GRIN2B: variants seen among roughly 807,000 people sequenced by gnomAD.
GRIN2B encodes the protein glutamate receptor ionotropic, NMDA 2B.
A neutral mutation model predicts 114.5 loss-of-function variants in GRIN2B; 5 were observed. The ratio of observed to expected loss-of-function variants is 0.04; its 90% CI spans 0.02 to 0.09. The LOEUF is 0.09. Ranked by LOEUF, GRIN2B falls within the 10% of genes least tolerant of loss-of-function variation. GRIN2B has a pLI of 1.00. For synonymous variants in GRIN2B, 787 were observed against 745.1 expected, an observed-to-expected ratio of 1.06 and a Z score of -0.92; for missense variants, 1,108 against 1,943.5, an observed-to-expected ratio of 0.57 and a Z score of 8.08.
chr12:13,713,551 C>A (rs560467749), intron 4 of GRIN2B, among the ~76,000 whole-genome samples: 3 of 151,902 alleles, frequency 2.0e-5, no homozygotes, highest in East Asian at 3.9e-4. Flanking sequence ...ACTTCCCTAG[C>A]GATGAGCCAT....
In GRIN2B at chr12:13,865,683, T is replaced by C. The variant is rs1161550222; in HGVS notation, c.411+115A>G. On this transcript the variant is annotated intron_variant, in intron 3 of 13. Transcript: ENST00000609686. ...ATTAATTGCTGGCCTATCCACGCTG[T>C]CAATGCAATCTGGTTACCTTCCATC... 5.7e-6 allele frequency: 5 copies of C among 882,400 alleles called. No homozygotes were observed. The African/African-American group carries it at 8.2e-5, about 14-fold the overall frequency. The allele number at this position is 882,400 out of a possible 1,614,324, so 54.7% of individuals were successfully genotyped here.
chr12:13,637,527 C>G (rs1949676941), intron 5 of GRIN2B, among the ~76,000 whole-genome samples: 1 of 152,086 alleles, frequency 6.6e-6, no homozygotes, highest in Non-Finnish European at 1.5e-5. Flanking sequence ...GGTTTTGGCA[C>G]CAACCAGTGA....
At chr12:13,867,240 A>G (rs938616063) in intron 2 of GRIN2B, among the ~76,000 whole-genome samples, 3 of 152,112 alleles carry the variant, frequency 2.0e-5, no homozygotes, top group African/African-American at 7.2e-5. Context: ...GTATTTTCAT[A>G]TAATTTGCCA....
intron 3 of GRIN2B, among the ~76,000 whole-genome samples, chr12:13,807,961 T>C (rs1461955575): frequency 1.3e-5 from 2 of 152,118 alleles, no homozygotes; most frequent in Admixed American, 1.3e-4. Flanking sequence ...AGTAATGGAA[T>C]GAACCTTTTG....
intron 8 of GRIN2B, among the ~76,000 whole-genome samples, chr12:13,614,229 T>G (rs1322375323): frequency 6.6e-6 from 1 of 152,166 alleles, no homozygotes; most frequent in African/African-American, 2.4e-5. Flanking sequence ...ATTAATTGAA[T>G]TAATTCCCTA....
At chr12:13,811,990 G>A (rs1255760632) in intron 3 of GRIN2B, among the ~76,000 whole-genome samples, 1 of 152,136 alleles carries the variant, frequency 6.6e-6, no homozygotes, top group African/African-American at 2.4e-5. Context: ...TCCAGAAAAG[G>A]GGTCTATAGT....
At chr12:13,926,824 G>A (rs1290273304) in intron 2 of GRIN2B, among the ~76,000 whole-genome samples, 1 of 152,114 alleles carries the variant, frequency 6.6e-6, no homozygotes, top group African/African-American at 2.4e-5. Flanking sequence ...ATGGTGGCAG[G>A]CGCCTGTAGT....
chr12:13,935,841 G>C (rs1272885678), intron 2 of GRIN2B, among the ~76,000 whole-genome samples: 1 of 152,214 alleles, frequency 6.6e-6, no homozygotes, highest in Non-Finnish European at 1.5e-5. Flanking sequence ...GACAAAAGAT[G>C]TGAGGCAACT....
At chr12:13,829,090 T>C (rs971907897) in intron 3 of GRIN2B, among the ~76,000 whole-genome samples, 9 of 152,172 alleles carry the variant, frequency 5.9e-5, no homozygotes, top group Non-Finnish European at 5.9e-5. Flanking sequence ...GGCCATCACA[T>C]AGGGGGCATC....
At position 13,604,624 on chromosome 12, in the gene GRIN2B, T is replaced by C. The variant is rs79172500; in HGVS notation, c.2010+3979A>G. On this transcript the variant is annotated intron_variant, in intron 10 of 13. Coordinates refer to ENST00000609686, the MANE Select transcript of GRIN2B (RefSeq NM_000834.5). ...CATCTCATTTCTTTTCTCAACATTA[T>C]TGTTTGAATGTCTTTATTCTTTTTC... 1.0e-2 allele frequency among the ~76,000 whole-genome samples: 1,516 copies of C among 152,340 alleles called. 13 individuals are homozygous for C. Among genetic ancestry groups the C allele is most frequent in the Non-Finnish European group, 0.015 (1,013 of 68,040 alleles).
chr12:13,829,073 T>C (rs144514207), intron 3 of GRIN2B, among the ~76,000 whole-genome samples: 2 of 152,280 alleles, frequency 1.3e-5, no homozygotes, highest in African/African-American at 2.4e-5. Context: ...AATTCTACCA[T>C]AGAAGAGGCC....
chr12:13,707,809 A>G (rs1036072174), intron 4 of GRIN2B, among the ~76,000 whole-genome samples: 1 of 152,130 alleles, frequency 6.6e-6, no homozygotes, highest in African/African-American at 2.4e-5. Context: ...TTTCTATTCA[A>G]TGCCTGAAAA....
intron 2 of GRIN2B, among the ~76,000 whole-genome samples, chr12:13,946,265 T>G (rs983387096): frequency 1.3e-5 from 2 of 152,166 alleles, no homozygotes; most frequent in African/African-American, 4.8e-5. Context: ...TTCTGGCATA[T>G]AATAAATACT....
intron 3 of GRIN2B, among the ~76,000 whole-genome samples, chr12:13,771,428 T>A (rs1174141076): frequency 1.3e-5 from 2 of 152,110 alleles, no homozygotes; most frequent in African/African-American, 4.8e-5. Context: ...ATTTAGTAAG[T>A]AGCCAAGGTA....
intron 5 of GRIN2B, among the ~76,000 whole-genome samples, chr12:13,669,498 C>T (rs934257319): frequency 2.6e-5 from 4 of 152,072 alleles, no homozygotes; most frequent in Non-Finnish European, 4.4e-5. Context: ...TGAATAAACA[C>T]GCTTGCCATG....
chr12:13,555,524 T>A lies in GRIN2B; in HGVS notation c.*7259A>T, dbSNP rs1056117928. The A allele has an allele frequency of 3.9e-5, 6 of 152,228 alleles. No individual in the cohort carries two copies. The highest frequency in any genetic ancestry group is 2.0e-4 in the Admixed American group (3 of 15,274). The allele number at this position is 152,228 out of a possible 1,614,324, so 9.4% of individuals were successfully genotyped here. The stretch of plus-strand genomic sequence containing the variant: ...TGTTTTTGAGATAGTTGCAGGTAGA[T>A]GTGTGGAAGGAATTAAAGATGCAAA... On this transcript the variant is annotated 3_prime_UTR_variant, in exon 14 of 14. Transcript: ENST00000609686.
intron 10 of GRIN2B, among the ~76,000 whole-genome samples, chr12:13,592,752 C>G (rs903293409): frequency 6.6e-6 from 1 of 152,214 alleles, no homozygotes; most frequent in Non-Finnish European, 1.5e-5. Context: ...CTGACACCCC[C>G]TATTTTCACA....
intron 3 of GRIN2B, among the ~76,000 whole-genome samples, chr12:13,777,963 T>C (rs961076657): frequency 1.3e-5 from 2 of 152,224 alleles, no homozygotes; most frequent in African/African-American, 2.4e-5. Flanking sequence ...CCTAAAACAA[T>C]TGAAATTCAA....
intron 5 of GRIN2B, among the ~76,000 whole-genome samples, chr12:13,660,853 T>C (rs915907714): frequency 2.0e-5 from 3 of 152,200 alleles, no homozygotes; most frequent in African/African-American, 7.2e-5. Context: ...AGTACGGCTC[T>C]TCTGCTTTGA....
Sources: gnomAD v4.1 joint callset for allele counts (sites outside exome capture counted in the v4.1 genomes callset) on GRCh38, gnomAD v4.1.1 for gene constraint, MANE v1.5 for transcripts, NCBI Gene and HGNC (gene_info 2026-07-23, HGNC 2026-07-21) for gene names.